Variants in HHAT observed in about 807,000 individuals in gnomAD.
HHAT encodes protein-cysteine N-palmitoyltransferase HHAT.
HHAT carries 47 observed loss-of-function variants against 70.8 expected under a neutral mutation model. The observed-to-expected ratio is 0.66, with a 90% confidence interval of 0.53 to 0.85. The LOEUF is 0.85. Ranked by LOEUF, HHAT falls within the 40% of genes least tolerant of loss-of-function variation. The pLI is 0.00. For synonymous variants in HHAT, 228 were observed against 247.6 expected (o/e 0.92, Z 0.74); for missense variants, 609 against 604.8 (o/e 1.01, Z -0.07).
intron 7 of HHAT, among the ~76,000 whole-genome samples, chr1:210,441,223 G>A (rs973450658): frequency 6.6e-6 from 1 of 152,206 alleles, no homozygotes; most frequent in Non-Finnish European, 1.5e-5. Context: ...AGGGACTGTG[G>A]TCAAGTTTCA....
chr1:210,416,061 A>G (rs1456292735), intron 6 of HHAT, among the ~76,000 whole-genome samples: 1 of 152,226 alleles, frequency 6.6e-6, no homozygotes, highest in Non-Finnish European at 1.5e-5. Context: ...TTGTAATGCC[A>G]ATGAGCCGAC....
intron 7 of HHAT, among the ~76,000 whole-genome samples, chr1:210,449,218 C>T (rs911223413): frequency 1.3e-5 from 2 of 151,950 alleles, no homozygotes; most frequent in Non-Finnish European, 1.5e-5. Flanking sequence ...GCTGTTCTGT[C>T]TTCTCTATCT....
At chr1:210,591,963 T>C (rs963547754) in intron 10 of HHAT, among the ~76,000 whole-genome samples, 26 of 152,146 alleles carry the variant, frequency 1.7e-4, no homozygotes, top group African/African-American at 6.3e-4. Context: ...TGACAGATAT[T>C]TTCTCCCATT....
chr1:210,492,377 C>T (rs2094565787), intron 8 of HHAT, among the ~76,000 whole-genome samples: 1 of 152,256 alleles, frequency 6.6e-6, no homozygotes, highest in South Asian at 2.1e-4. Flanking sequence ...GGGATTGTAT[C>T]TTGATCATTT....
intron 9 of HHAT, among the ~76,000 whole-genome samples, chr1:210,573,502 A>G (rs567393966): frequency 3.9e-5 from 6 of 152,338 alleles, no homozygotes; most frequent in African/African-American, 7.2e-5. Context: ...TCAAATACTG[A>G]CAGGCCCAGC....
At chr1:210,491,127 G>A (rs536310827) in intron 8 of HHAT, among the ~76,000 whole-genome samples, 13 of 151,814 alleles carry the variant, frequency 8.6e-5, no homozygotes, top group Non-Finnish European at 1.8e-4. Flanking sequence ...AAATGGTGGA[G>A]GGGCAGTGAT....
intron 11 of HHAT, among the ~76,000 whole-genome samples, chr1:210,666,154 C>T (rs1050820561): frequency 5.3e-5 from 8 of 152,188 alleles, no homozygotes; most frequent in Non-Finnish European, 5.9e-5. Context: ...GTCACAGACT[C>T]GGGAGTGCTG....
intron 11 of HHAT, among the ~76,000 whole-genome samples, chr1:210,632,912 G>A (rs898610923): frequency 2.0e-5 from 3 of 152,174 alleles, no homozygotes; most frequent in African/African-American, 7.2e-5. Flanking sequence ...GGAGATGGAG[G>A]CAGGGATTGG....
At chr1:210,612,426 T>C (rs1466302639) in intron 10 of HHAT, among the ~76,000 whole-genome samples, 1 of 152,182 alleles carries the variant, frequency 6.6e-6, no homozygotes, top group African/African-American at 2.4e-5. Context: ...TGTGTCTGGC[T>C]TATTTCACTT....
chr1:210,340,242 G>GA lies in HHAT; in HGVS notation c.-43-8665dup, dbSNP rs57007952. On this transcript the variant is annotated intron_variant, in intron 1 of 11. Transcript: ENST00000261458. Reference sequence around the variant, plus strand: ...GGGGATAGAGCAAGACTCTGTCTCAGAAAAAAAAAAAAAAAAAAAAAAAAA... The same window carrying GA: ...GGGGATAGAGCAAGACTCTGTCTCAGAAAAAAAAAAAAAAAAAAAAAAAAAA... 6.6e-3 allele frequency among the ~76,000 whole-genome samples: 659 copies of GA among 99,718 alleles called. 33 individuals carry two copies. Among genetic ancestry groups the GA allele is most frequent in the East Asian group, 0.015 (37 of 2,400 alleles). The allele number at this position is 99,718 out of a possible 152,430, so 65.4% of individuals were successfully genotyped here.
At chr1:210,387,445 A>G (rs372220272) in intron 3 of HHAT, 23 bp from the exon 4 acceptor site, 9 of 1,596,646 alleles carry the variant, frequency 5.6e-6, no homozygotes, top group Middle Eastern at 1.7e-4. Context: ...AATCCCTCTG[A>G]TAAACTATTT....
chr1:210,524,090 G>A (rs980507689), intron 9 of HHAT, among the ~76,000 whole-genome samples: 1 of 152,196 alleles, frequency 6.6e-6, no homozygotes, highest in Non-Finnish European at 1.5e-5. Flanking sequence ...TTGCCAGGGG[G>A]TGGGGGAAGG....
intron 10 of HHAT, among the ~76,000 whole-genome samples, chr1:210,609,279 A>C (rs1447346144): frequency 6.6e-6 from 1 of 152,150 alleles, no homozygotes; most frequent in Non-Finnish European, 1.5e-5. Flanking sequence ...TAATCTCCAA[A>C]GATTTAAAAA....
chr1:210,502,383 C>CAAAAAA (rs1177468677), intron 8 of HHAT, among the ~76,000 whole-genome samples: 18,762 of 86,104 alleles, frequency 0.22, 2,756 homozygotes, highest in Non-Finnish European at 0.28. Context: ...GACTCAGTCT[C>CAAAAAA]AAAAAAAAAA....
intron 9 of HHAT, among the ~76,000 whole-genome samples, chr1:210,549,252 A>G (rs1214707619): frequency 6.7e-6 from 1 of 149,246 alleles, no homozygotes; most frequent in Admixed American, 6.9e-5. Flanking sequence ...GTGAGGAAAG[A>G]ATGATCAGAT....
chr1:210,567,914 C>T (rs367874148), intron 9 of HHAT, among the ~76,000 whole-genome samples: 45 of 152,322 alleles, frequency 3.0e-4, no homozygotes, highest in African/African-American at 1.1e-3. Context: ...ATTTGATCTT[C>T]CTCCCAGTTT....
At position 210,400,657 on chromosome 1, in the gene HHAT, G is replaced by A. The variant is rs754462235; in HGVS notation, c.463G>A (p.Val155Ile). ...STLRLQGVEE[V>I]KRRWYKTENE... is the part of the protein sequence containing the mutation. Reference sequence around the variant, plus strand: ...ACTGAGGCTGCAGGGTGTGGAAGAAGTTAAGGTAAGTGTTTTCCTGTTACC... The same window carrying A: ...ACTGAGGCTGCAGGGTGTGGAAGAAATTAAGGTAAGTGTTTTCCTGTTACC... The change falls in exon 5 of 12, where the codon GTT becomes ATT. Residue 155 changes from valine to isoleucine, a missense_variant. Coordinates refer to ENST00000261458, the MANE Select transcript of HHAT (RefSeq NM_018194.6). The A allele has an allele frequency of 4.3e-6, 7 of 1,612,270 alleles. No homozygotes were observed. In the East Asian group the frequency reaches 1.1e-4, roughly 26 times the overall value.
intron 2 of HHAT, among the ~76,000 whole-genome samples, chr1:210,351,279 C>T (rs992672348): frequency 3.9e-5 from 6 of 152,138 alleles, no homozygotes; most frequent in African/African-American, 1.2e-4. Flanking sequence ...TATTTAGACC[C>T]TCAATGGATT....
At chr1:210,601,532 C>T (rs1403288918) in intron 10 of HHAT, among the ~76,000 whole-genome samples, 1 of 152,048 alleles carries the variant, frequency 6.6e-6, no homozygotes. Context: ...TCGACAGAGC[C>T]CACTTAGGCA....
Sources: gnomAD v4.1 joint callset for allele counts (sites outside exome capture counted in the v4.1 genomes callset) on GRCh38, gnomAD v4.1.1 for gene constraint, MANE v1.5 for transcripts, NCBI Gene and HGNC (gene_info 2026-07-23, HGNC 2026-07-21) for gene names.